The following SCN4A variants were observed in gnomAD, a reference collection of about 807,000 sequenced individuals.
SCN4A encodes sodium voltage-gated channel alpha subunit 4, also known as sodium channel protein type 4 subunit alpha.
Under a neutral mutation model 162.0 loss-of-function variants are expected in SCN4A, and 83 were observed. The ratio of observed to expected loss-of-function variants is 0.51; its 90% CI spans 0.43 to 0.61. SCN4A has a LOEUF of 0.61. SCN4A is among the 20% of genes least tolerant of loss of function. The pLI is 0.00. For synonymous variants in SCN4A, 944 were observed against 985.1 expected, an observed-to-expected ratio of 0.96 and a Z score of 0.78; for missense variants, 2,196 against 2,462.5, an observed-to-expected ratio of 0.89 and a Z score of 2.29.
At chr17:63,953,520 T>TA (rs1452281627) in intron 13 of SCN4A, among the ~76,000 whole-genome samples, 1 of 147,426 alleles carries the variant, frequency 6.8e-6, no homozygotes, top group Non-Finnish European at 1.5e-5. Flanking sequence ...AACCATGTAC[T>TA]AAAAATACAA....
At chr17:63,966,626 G>C in intron 6 of SCN4A, 82 bp from the exon 7 acceptor site, 1 of 1,037,960 alleles carries the variant, frequency 9.6e-7, no homozygotes, top group Non-Finnish European at 1.5e-6. Context: ...CACACCTGTG[G>C]ACAGGTCTGC....
rs1365908215 is a variant in SCN4A at position 63,940,610 on chromosome 17, G to C, written c.*161C>G. ...CCATGGTCTGGGAACGCAGGCGCTC[G>C]GGCCTGGGTGTCAGCCCCAGTGTGG... On this transcript the variant is annotated 3_prime_UTR_variant, in exon 24 of 24. Transcript: ENST00000435607. 1 of 774,870 alleles carries C rather than the reference G, an allele frequency of 1.3e-6. No individual in the cohort carries two copies. Among genetic ancestry groups the C allele is most frequent in the Non-Finnish European group, 1.9e-6 (1 of 522,246 alleles). The allele number at this position is 774,870 out of a possible 1,614,324, so 48.0% of individuals were successfully genotyped here. A position where few individuals can be genotyped will look rare whatever the true frequency, so the allele number is the denominator to read the frequency against.
At chr17:63,958,259 G>A (rs1597977964) in intron 12 of SCN4A, among the ~76,000 whole-genome samples, 1 of 150,908 alleles carries the variant, frequency 6.6e-6, no homozygotes, top group East Asian at 2.0e-4. Flanking sequence ...AGGAGGCTGA[G>A]GTGGGAGAAT....
intron 6 of SCN4A, 113 bp from the exon 7 acceptor site, chr17:63,966,657 G>A (rs1909457077): frequency 4.0e-6 from 3 of 758,476 alleles, no homozygotes; most frequent in Admixed American, 2.0e-5. Flanking sequence ...TAAACCAAAC[G>A]GATGTTCCCT....
chr17:63,964,824 G>A (rs984954010), intron 8 of SCN4A, 147 bp from the exon 9 acceptor site: 2 of 648,028 alleles, frequency 3.1e-6, no homozygotes, highest in Admixed American at 2.8e-5. Context: ...TCATTGGCAT[G>A]CTGAGCCATG....
Position 63,971,195 on chromosome 17 carries a change from GCA to G in SCN4A, c.668_669del (p.Val223AlafsTer75). 1 of 1,564,044 alleles carries G rather than the reference GCA, an allele frequency of 6.4e-7. No individual in the cohort carries two copies. Among genetic ancestry groups the G allele is most frequent in the Non-Finnish European group, 8.7e-7 (1 of 1,153,534 alleles). On this transcript the variant is annotated frameshift_variant, in exon 5 of 24. Transcript: ENST00000435607. LOFTEE classifies it high-confidence loss of function. ...ACCGTGATGGTTTTGAGGGCCCGCA[GCA>G]CCCGGAAGGTCCTCAGGGCTGAGAT... ...GNISALRTFR[V>X]LRALKTITVI...
In SCN4A at chr17:63,951,345, C is replaced by A. The variant is rs1004840634; in HGVS notation, c.2853+79G>T. On this transcript the variant is annotated intron_variant, in intron 14 of 23. Coordinates refer to ENST00000435607, the MANE Select transcript of SCN4A (RefSeq NM_000334.4). This position sits in a 1 kb window ranked among gnomAD's most constrained non-coding sequence, Gnocchi z 4.5. ...CATTTTACAGCTGGAGAAACTGAGG[C>A]TCAGAGAGGACTTAGGGCTTGCTCC... 7 of 988,536 alleles carry A rather than the reference C, an allele frequency of 7.1e-6. No individual in the cohort carries two copies. The highest frequency in any genetic ancestry group is 4.5e-4 in the Middle Eastern group (2 of 4,436). 61.2% of individuals were successfully genotyped at this position (988,536 alleles called of 1,614,324 possible).
intron 13 of SCN4A, among the ~76,000 whole-genome samples, chr17:63,952,313 C>T (rs944659164): frequency 6.6e-6 from 1 of 152,034 alleles, no homozygotes; most frequent in Non-Finnish European, 1.5e-5. Flanking sequence ...TCAAGTGCCA[C>T]CATGCCCAGC....
rs368431198 is a variant in SCN4A at position 63,943,501 on chromosome 17, G to T, written c.4017+245C>A. On this transcript the variant is annotated intron_variant, in intron 22 of 23. Coordinates refer to ENST00000435607, the MANE Select transcript of SCN4A (RefSeq NM_000334.4). ...AGGTGGGCACTGAGGAGCTTCGTGG[G>T]ACCAAGTGAGGGTAAAGCACTCACT... Among the ~76,000 whole-genome samples the T allele has an allele frequency of 5.3e-5, 8 of 152,146 alleles. No homozygotes were observed. In the South Asian group the frequency reaches 1.7e-3, roughly 32 times the overall value.
At chr17:63,957,958 T>C (rs1004098075) in intron 12 of SCN4A, among the ~76,000 whole-genome samples, 3 of 144,734 alleles carry the variant, frequency 2.1e-5, no homozygotes, top group Admixed American at 7.1e-5. Context: ...TGAGCAGAGA[T>C]TGCACCACTG....
intron 8 of SCN4A, 55 bp downstream of exon 8, chr17:63,966,047 A>AGGGATGGAGGGGGAG: frequency 7.7e-7 from 1 of 1,295,286 alleles, no homozygotes; most frequent in Non-Finnish European, 1.0e-6. Flanking sequence ...AAGAGGCTGC[A>AGGGATGGAGGGGGAG]GGGATGGAGG....
intron 5 of SCN4A, among the ~76,000 whole-genome samples, chr17:63,969,973 A>G (rs943515371): frequency 1.5e-4 from 23 of 151,566 alleles, no homozygotes; most frequent in Admixed American, 1.1e-3. Flanking sequence ...GGATTTAACA[A>G]TTTTCCCTCT....
At chr17:63,960,704 G>C (rs571884490) in intron 11 of SCN4A, among the ~76,000 whole-genome samples, 1 of 152,214 alleles carries the variant, frequency 6.6e-6, no homozygotes, top group African/African-American at 2.4e-5. Context: ...GGAGAAGCCT[G>C]GCCACGCTGG....
rs1567819905 is a variant in SCN4A at position 63,949,462 on chromosome 17, CG to C, written c.2919del (p.Glu974ArgfsTer67). The C allele has an allele frequency of 1.2e-6, 2 of 1,611,196 alleles. No individual in the cohort carries two copies. The highest frequency in any genetic ancestry group is 8.5e-7 in the Non-Finnish European group (1 of 1,178,640). ...SVCSTADYKP[P>X]EEDPEEQAEE... ...TCTGCCTGCTCCTCAGGGTCCTCCT[CG>C]GGGGGCTTGTAGTCAGCTGTGCTGC... On this transcript the variant is annotated frameshift_variant, in exon 15 of 24. Coordinates refer to ENST00000435607, the MANE Select transcript of SCN4A (RefSeq NM_000334.4). LOFTEE classifies it high-confidence loss of function.
In SCN4A at chr17:63,940,716, C is replaced by A; in HGVS notation, c.*55G>T. 6.6e-7 allele frequency: 1 copy of A among 1,513,314 alleles called. No homozygotes were observed. The highest frequency in any genetic ancestry group is 8.8e-7 in the Non-Finnish European group (1 of 1,130,732). 93.7% of individuals were successfully genotyped at this position (1,513,314 alleles called of 1,614,324 possible). On this transcript the variant is annotated 3_prime_UTR_variant, in exon 24 of 24. Transcript: ENST00000435607. ...TCCCTCACTCTGTGTGCAGGCACCA[C>A]GGGGGAGCTCTGGGGACTATGCCGA...
intron 12 of SCN4A, among the ~76,000 whole-genome samples, chr17:63,958,002 T>TAAAAAAAAAAAAAAAAAGAAAAAA (rs1909125275): frequency 1.8e-5 from 1 of 55,228 alleles, no homozygotes; most frequent in Admixed American, 2.0e-4. Context: ...AAAACTCCAC[T>TAAAAAAAAAAAAAAAAAGAAAAAA]AAAAAAAAAA....
Position 63,971,922 on chromosome 17 carries a change from C to G in SCN4A, c.483-72G>C. 7 of 1,506,682 alleles carry G rather than the reference C, an allele frequency of 4.6e-6. No homozygotes were observed. The South Asian group carries it at 7.9e-5, about 17-fold the overall frequency. The allele number at this position is 1,506,682 out of a possible 1,614,324, so 93.3% of individuals were successfully genotyped here. A position where few individuals can be genotyped will look rare whatever the true frequency, so the allele number is the denominator to read the frequency against. On this transcript the variant is annotated intron_variant, in intron 3 of 23. Coordinates refer to ENST00000435607, the MANE Select transcript of SCN4A (RefSeq NM_000334.4). ...GGTCAGTGTGGCAACGACAGACCCC[C>G]AGAAGGGAGGGACACAGAAATGAAA...
rs1355160927 is a variant in SCN4A, at chr17:63,949,465, G to T, written c.2917C>A (p.Pro973Thr). 1 of 1,611,796 alleles carries T rather than the reference G, an allele frequency of 6.2e-7. No individual in the cohort carries two copies. The highest frequency in any genetic ancestry group is 2.2e-5 in the East Asian group (1 of 44,852). The change falls in exon 15 of 24, where the codon CCC (proline) becomes ACC (threonine). Residue 973 changes from proline (P) to threonine (T), a missense_variant. Pro to Thr is a conservative substitution (Grantham distance 38). Coordinates refer to ENST00000435607, the MANE Select transcript of SCN4A (RefSeq NM_000334.4). ...GCCTGCTCCTCAGGGTCCTCCTCGG[G>T]GGGCTTGTAGTCAGCTGTGCTGCAG... ...SVCSTADYKP[P>T]EEDPEEQAEE...
chr17:63,960,014 G>A lies in SCN4A; in HGVS notation c.1846-576C>T, dbSNP rs528974233. Among the ~76,000 whole-genome samples, 30 of 152,308 alleles carry A rather than the reference G, an allele frequency of 2.0e-4. 1 individual carries two copies. The Middle Eastern group carries it at 0.01, about 52-fold the overall frequency. ...AATCTTGGCAGACTCAAAGGTTTAGGGCAGGGACCAAAAGGAGCAAAATCA... is the reference window on the plus strand; with the variant it reads ...AATCTTGGCAGACTCAAAGGTTTAGAGCAGGGACCAAAAGGAGCAAAATCA... On this transcript the variant is annotated intron_variant, in intron 11 of 23. Transcript: ENST00000435607.
Sources: allele counts gnomAD v4.1 joint callset (sites outside exome capture counted in the v4.1 genomes callset), GRCh38; gene constraint gnomAD v4.1.1; non-coding constraint Gnocchi (gnomAD v3.1); transcripts MANE v1.5; gene names NCBI Gene and HGNC (gene_info 2026-07-23, HGNC 2026-07-21).